Variants in PDLIM5 observed in about 807,000 individuals in gnomAD.
The protein encoded by PDLIM5 is PDZ and LIM domain protein 5.
Under a neutral mutation model 64.2 loss-of-function variants are expected in PDLIM5, and 34 were observed. That is an observed-to-expected ratio of 0.53 (90% CI 0.40 to 0.71). The LOEUF (loss-of-function observed/expected upper bound fraction) is 0.71, where lower values mean the gene tolerates loss of function less well. Among genes scored for constraint, PDLIM5 ranks in the 30% least tolerant of loss-of-function variants. The pLI, the probability that PDLIM5 is intolerant of heterozygous loss-of-function variation, is 0.00. For synonymous variants in PDLIM5, 253 were observed against 269.1 expected, an observed-to-expected ratio of 0.94 and a Z score of 0.59; for missense variants, 683 against 733.6, an observed-to-expected ratio of 0.93 and a Z score of 0.80.
intron 7 of PDLIM5, among the ~76,000 whole-genome samples, chr4:94,616,928 T>C (rs898465710): frequency 6.6e-6 from 1 of 152,216 alleles, no homozygotes; most frequent in Non-Finnish European, 1.5e-5. Context: ...CTAAGATTTA[T>C]TATAGCAAAA....
intron 2 of PDLIM5, among the ~76,000 whole-genome samples, chr4:94,486,185 T>C (rs971137777): frequency 5.9e-5 from 9 of 152,182 alleles, no homozygotes; most frequent in Admixed American, 6.5e-5. Flanking sequence ...TTCCTCAAAA[T>C]AGTGTACACA....
chr4:94,541,057 A>T (rs1353954491), intron 3 of PDLIM5, among the ~76,000 whole-genome samples: 1 of 152,112 alleles, frequency 6.6e-6, no homozygotes, highest in African/African-American at 2.4e-5. Flanking sequence ...TATGTCTAAA[A>T]CTGTTTGAGG....
chr4:94,613,065 C>G (rs988943722), intron 7 of PDLIM5, among the ~76,000 whole-genome samples: 1 of 151,914 alleles, frequency 6.6e-6, no homozygotes, highest in Non-Finnish European at 1.5e-5. Flanking sequence ...GAAAGACACT[C>G]ATTACCCTCT....
At chr4:94,603,402 C>G (rs1737651326) in intron 7 of PDLIM5, among the ~76,000 whole-genome samples, 1 of 152,070 alleles carries the variant, frequency 6.6e-6, no homozygotes, top group South Asian at 2.1e-4. Context: ...TTATCATAGT[C>G]TGGATGAGAG....
chr4:94,655,426 A>G (rs1011649218), intron 10 of PDLIM5, among the ~76,000 whole-genome samples: 2 of 152,186 alleles, frequency 1.3e-5, no homozygotes, highest in Non-Finnish European at 2.9e-5. Flanking sequence ...TATACTCTCA[A>G]TGTGAAAATA....
At chr4:94,651,972 A>T (rs1387030554) in intron 9 of PDLIM5, among the ~76,000 whole-genome samples, 1 of 152,230 alleles carries the variant, frequency 6.6e-6, no homozygotes, top group Non-Finnish European at 1.5e-5. Flanking sequence ...CACAGAACCC[A>T]GTTTTCTGAT....
At chr4:94,602,186 G>A (rs762454605) in intron 7 of PDLIM5, among the ~76,000 whole-genome samples, 2 of 152,000 alleles carry the variant, frequency 1.3e-5, no homozygotes, top group Admixed American at 6.6e-5. Flanking sequence ...TTGAAAACTC[G>A]TCGTGTGGGT....
At chr4:94,611,070 C>A (rs1056909482) in intron 7 of PDLIM5, 2 of 1,532,338 alleles carry the variant, frequency 1.3e-6, no homozygotes, top group Admixed American at 2.0e-5. Flanking sequence ...GCTTACCAGG[C>A]TCTACACTCC....
intron 5 of PDLIM5, among the ~76,000 whole-genome samples, chr4:94,576,823 A>G (rs796434811): frequency 2.6e-5 from 4 of 152,286 alleles, no homozygotes; most frequent in African/African-American, 9.6e-5. Context: ...TTTGAACTAC[A>G]CATAGTTATA....
At chr4:94,547,795 C>T (rs1182394391) in intron 3 of PDLIM5, among the ~76,000 whole-genome samples, 1 of 152,156 alleles carries the variant, frequency 6.6e-6, no homozygotes, top group Non-Finnish European at 1.5e-5. Context: ...TAGACTTCTT[C>T]TCATGTTGGT....
rs368879523 is a variant in PDLIM5, at chr4:94,632,651, G to A, written c.1109-7625G>A. On this transcript the variant is annotated intron_variant, in intron 8 of 12. Coordinates refer to ENST00000317968, the MANE Select transcript of PDLIM5 (RefSeq NM_006457.5). ...AAGTTTGCAGATTGGAGTTAAGATT[G>A]CTTGTCAATTGACCTTAAAAATGGG... Among the ~76,000 whole-genome samples the A allele has an allele frequency of 3.3e-5, 5 of 152,298 alleles. No homozygotes were observed. The South Asian group carries it at 6.2e-4, about 19-fold the overall frequency.
intron 3 of PDLIM5, among the ~76,000 whole-genome samples, chr4:94,534,304 G>T (rs769409068): frequency 4.6e-5 from 7 of 151,900 alleles, no homozygotes; most frequent in Non-Finnish European, 8.8e-5. Context: ...ACTAACTTTT[G>T]GAACATGTTT....
intron 8 of PDLIM5, among the ~76,000 whole-genome samples, chr4:94,634,257 C>G (rs1369398436): frequency 6.6e-6 from 1 of 152,128 alleles, no homozygotes; most frequent in African/African-American, 2.4e-5. Flanking sequence ...AGTCACTGCT[C>G]TAATCCAACC....
chr4:94,512,401 C>T (rs997494883), intron 2 of PDLIM5, among the ~76,000 whole-genome samples: 1 of 152,150 alleles, frequency 6.6e-6, no homozygotes, highest in African/African-American at 2.4e-5. Context: ...CAACAGTGTA[C>T]AAGGGTTCCC....
rs578150155 is a variant in PDLIM5 at position 94,610,324 on chromosome 4, G to A, written c.921-7680G>A. 33 of 1,472,200 alleles carry A rather than the reference G, an allele frequency of 2.2e-5. 1 individual carries two copies. Among genetic ancestry groups the A allele is most frequent in the Middle Eastern group, 1.8e-4 (1 of 5,424 alleles). 91.2% of individuals were successfully genotyped at this position (1,472,200 alleles called of 1,614,324 possible). On this transcript the variant is annotated intron_variant, in intron 7 of 12. Transcript: ENST00000317968. ...AACCAGGTAGAACTACACGTACAGC[G>A]TCTGTCTGATGTGATCTCAGCGCTC... is the stretch of plus-strand genomic sequence containing the variant.
intron 3 of PDLIM5, among the ~76,000 whole-genome samples, chr4:94,525,878 A>T (rs1401676164): frequency 6.6e-6 from 1 of 152,120 alleles, no homozygotes; most frequent in African/African-American, 2.4e-5. Context: ...AATTGGTTAT[A>T]AAAAAATTTG....
intron 2 of PDLIM5, among the ~76,000 whole-genome samples, chr4:94,465,565 T>A (rs531674465): frequency 2.0e-5 from 3 of 152,218 alleles, no homozygotes; most frequent in Admixed American, 6.5e-5. Flanking sequence ...CACACCTGGC[T>A]AATTTTTGTA....
At chr4:94,464,622 A>T (rs185931044) in intron 2 of PDLIM5, among the ~76,000 whole-genome samples, 1 of 152,368 alleles carries the variant, frequency 6.6e-6, no homozygotes, top group Admixed American at 6.5e-5. Flanking sequence ...TGGAGAAAGA[A>T]ATTATATCTA....
At chr4:94,456,012 T>G in intron 2 of PDLIM5, 1 of 1,412,796 alleles carries the variant, frequency 7.1e-7, no homozygotes. Flanking sequence ...ATGATGATGA[T>G]GATAGCACTG....
Sources: allele counts gnomAD v4.1 joint callset (sites outside exome capture counted in the v4.1 genomes callset), GRCh38; gene constraint gnomAD v4.1.1; transcripts MANE v1.5; gene names NCBI Gene and HGNC (gene_info 2026-07-23, HGNC 2026-07-21).